ADAMTSL1: variants seen among roughly 807,000 people sequenced by gnomAD.
ADAMTSL1 encodes the protein ADAMTS like 1.
A neutral mutation model predicts 201.8 loss-of-function variants in ADAMTSL1; 126 were observed. The ratio of observed to expected loss-of-function variants is 0.62; its 90% CI spans 0.54 to 0.72. ADAMTSL1 has a LOEUF of 0.72. ADAMTSL1 is among the 30% of genes least tolerant of loss of function. The probability of loss-of-function intolerance (pLI) is 0.00; values close to 1 mark genes in which losing one functional copy is unlikely to be tolerated. For missense variants in ADAMTSL1, 2,679 were observed against 2,277.8 expected (o/e 1.18, Z -3.59); for synonymous variants, 1,121 against 903.4 (o/e 1.24, Z -4.32).
intron 1 of ADAMTSL1, among the ~76,000 whole-genome samples, chr9:18,136,337 T>C (rs1184091647): frequency 1.3e-5 from 2 of 152,188 alleles, no homozygotes; most frequent in South Asian, 2.1e-4. Flanking sequence ...TGGAAACCAC[T>C]GGATTAGACA....
chr9:18,685,962 G>A (rs1003923142), intron 13 of ADAMTSL1, among the ~76,000 whole-genome samples: 4 of 151,334 alleles, frequency 2.6e-5, no homozygotes, highest in Non-Finnish European at 5.9e-5. Context: ...TCTGTCACCC[G>A]GGCATGGATG....
intron 2 of ADAMTSL1, among the ~76,000 whole-genome samples, chr9:18,377,893 T>C (rs749197193): frequency 3.3e-5 from 5 of 152,002 alleles, no homozygotes; most frequent in East Asian, 1.9e-4. Flanking sequence ...ATAAATATAT[T>C]TGGAAAGGCC....
At chr9:18,098,028 G>C (rs1034142495) in intron 1 of ADAMTSL1, among the ~76,000 whole-genome samples, 1 of 151,640 alleles carries the variant, frequency 6.6e-6, no homozygotes, top group Non-Finnish European at 1.5e-5. Context: ...GGAGATCAAG[G>C]CTTATTTTTT....
At chr9:18,409,734 A>G (rs2805924) in intron 2 of ADAMTSL1, among the ~76,000 whole-genome samples, 1 of 149,886 alleles carries the variant, frequency 6.7e-6, no homozygotes, top group Non-Finnish European at 1.5e-5. Context: ...TATACATATA[A>G]GTATCATGTA....
chr9:18,718,589 C>T (rs1170536616), intron 14 of ADAMTSL1: 3 of 419,806 alleles, frequency 7.1e-6, no homozygotes, highest in Non-Finnish European at 4.7e-6. Flanking sequence ...CAGCCAGTGT[C>T]ACTCCCTCCG....
At chr9:18,430,363 C>A (rs1163260142) in intron 2 of ADAMTSL1, among the ~76,000 whole-genome samples, 3 of 152,156 alleles carry the variant, frequency 2.0e-5, no homozygotes, top group Non-Finnish European at 4.4e-5. Flanking sequence ...CCTTCTGATG[C>A]CAAGTTCAGC....
intron 2 of ADAMTSL1, among the ~76,000 whole-genome samples, chr9:18,342,243 T>A (rs1350043167): frequency 6.6e-6 from 1 of 152,092 alleles, no homozygotes; most frequent in East Asian, 1.9e-4. Context: ...TTGGGAAAAA[T>A]AGGCTTTTTC....
chr9:18,512,661 A>G (rs1363250757), intron 2 of ADAMTSL1, among the ~76,000 whole-genome samples: 1 of 152,194 alleles, frequency 6.6e-6, no homozygotes, highest in African/African-American at 2.4e-5. Context: ...TAGTTGCAAG[A>G]TATTTTAAGA....
At chr9:18,325,407 A>G (rs1834790591) in intron 2 of ADAMTSL1, among the ~76,000 whole-genome samples, 1 of 152,250 alleles carries the variant, frequency 6.6e-6, no homozygotes, top group Non-Finnish European at 1.5e-5. Context: ...ATGACTTAGC[A>G]GTCTAAAAAT....
intron 1 of ADAMTSL1, among the ~76,000 whole-genome samples, chr9:17,939,303 T>G (rs1253295850): frequency 6.6e-6 from 1 of 152,042 alleles, no homozygotes; most frequent in Non-Finnish European, 1.5e-5. Flanking sequence ...AAACTTTTTT[T>G]TTTTTTAACT....
intron 10 of ADAMTSL1, 152 bp from the exon 11 acceptor site, chr9:18,680,160 G>A (rs1331575403): frequency 7.1e-6 from 5 of 702,206 alleles, no homozygotes; most frequent in Admixed American, 5.6e-5. Context: ...TACTCATCAG[G>A]TTTCAGGCAA....
At chr9:17,914,468 G>A (rs199540260) in intron 1 of ADAMTSL1, among the ~76,000 whole-genome samples, 25 of 152,204 alleles carry the variant, frequency 1.6e-4, no homozygotes, top group Non-Finnish European at 2.6e-4. Flanking sequence ...ACAAAATTCA[G>A]CAACCCTTCA....
At chr9:18,879,173 G>A (rs1272130020) in intron 23 of ADAMTSL1, among the ~76,000 whole-genome samples, 1 of 152,178 alleles carries the variant, frequency 6.6e-6, no homozygotes, top group Non-Finnish European at 1.5e-5. Flanking sequence ...AAGAGGAGGG[G>A]TGAGAATGAA....
chr9:18,314,649 G>A (rs1353662637), intron 2 of ADAMTSL1, among the ~76,000 whole-genome samples: 1 of 151,966 alleles, frequency 6.6e-6, no homozygotes, highest in Admixed American at 6.6e-5. Flanking sequence ...TGCGGTGAGT[G>A]TTACAGCTCA....
At chr9:18,466,727 T>C (rs1821020397) in intron 2 of ADAMTSL1, among the ~76,000 whole-genome samples, 1 of 152,118 alleles carries the variant, frequency 6.6e-6, no homozygotes, top group African/African-American at 2.4e-5. Context: ...TTGGTATTTC[T>C]TTGTGACATA....
intron 26 of ADAMTSL1, among the ~76,000 whole-genome samples, chr9:18,899,538 C>G (rs941926473): frequency 1.3e-5 from 2 of 152,184 alleles, no homozygotes; most frequent in African/African-American, 4.8e-5. Context: ...CACTACCTGA[C>G]TGCAAACTAT....
chr9:18,360,499 T>G (rs541111274), intron 2 of ADAMTSL1: 6 of 152,260 alleles, frequency 3.9e-5, no homozygotes, highest in African/African-American at 1.4e-4. Context: ...TACGACTTCA[T>G]GCTTTGGGGT....
At chr9:18,691,686 A>ATG (rs1831227646) in intron 13 of ADAMTSL1, among the ~76,000 whole-genome samples, 1 of 152,200 alleles carries the variant, frequency 6.6e-6, no homozygotes, top group Non-Finnish European at 1.5e-5. Flanking sequence ...ACAGCTCTGC[A>ATG]CAGTGACTAA....
intron 2 of ADAMTSL1, among the ~76,000 whole-genome samples, chr9:18,527,998 C>T (rs1819197101): frequency 6.6e-6 from 1 of 152,112 alleles, no homozygotes; most frequent in Non-Finnish European, 1.5e-5. Context: ...CTGCCTCAGC[C>T]TCCTGAGTAG....
Sources: gnomAD v4.1 joint callset for allele counts (sites outside exome capture counted in the v4.1 genomes callset) on GRCh38, gnomAD v4.1.1 for gene constraint, MANE v1.5 for transcripts, NCBI Gene and HGNC (gene_info 2026-07-23, HGNC 2026-07-21) for gene names.